The following RNGTT variants were observed in gnomAD, a reference collection of about 807,000 sequenced individuals.
The protein encoded by RNGTT is RNA guanylyltransferase and 5'-phosphatase, also known as mRNA-capping enzyme.
In RNGTT, 33 loss-of-function variants were observed where a neutral mutation model predicts 79.3. That is an observed-to-expected ratio of 0.42 (90% CI 0.32 to 0.56). The LOEUF (loss-of-function observed/expected upper bound fraction) is 0.56. RNGTT is among the 20% of genes least tolerant of loss of function. The pLI, the probability that RNGTT is intolerant of heterozygous loss-of-function variation, is 0.17. For synonymous variants in RNGTT, 222 were observed against 235.9 expected, an observed-to-expected ratio of 0.94 and a Z score of 0.54; for missense variants, 497 against 739.1, an observed-to-expected ratio of 0.67 and a Z score of 3.80.
chr6:88,750,841 C>G (rs1030946571), intron 13 of RNGTT, among the ~76,000 whole-genome samples: 2 of 152,072 alleles, frequency 1.3e-5, no homozygotes, highest in African/African-American at 2.4e-5. Flanking sequence ...TCATATTTTA[C>G]CTTACATTTT....
chr6:88,721,256 A>G (rs910608397), intron 13 of RNGTT, among the ~76,000 whole-genome samples: 1 of 152,014 alleles, frequency 6.6e-6, no homozygotes, highest in Non-Finnish European at 1.5e-5. Context: ...AATACATTCC[A>G]CCACTTGGTG....
At chr6:88,791,158 T>TC (rs1491245480) in intron 12 of RNGTT, among the ~76,000 whole-genome samples, 2 of 111,518 alleles carry the variant, frequency 1.8e-5, no homozygotes, top group African/African-American at 6.4e-5. Flanking sequence ...TTTTTTTTTT[T>TC]CAATTTTTTT....
intron 11 of RNGTT, among the ~76,000 whole-genome samples, chr6:88,836,364 T>G (rs916384170): frequency 6.6e-6 from 1 of 151,984 alleles, no homozygotes; most frequent in Non-Finnish European, 1.5e-5. Context: ...ACTCTTCCAC[T>G]AGAAATTTTA....
chr6:88,915,900 T>A (rs998517799), intron 4 of RNGTT, among the ~76,000 whole-genome samples: 7 of 151,962 alleles, frequency 4.6e-5, no homozygotes, highest in South Asian at 2.1e-4. Flanking sequence ...CAAATAAAAA[T>A]TTTTTTTTAA....
intron 13 of RNGTT, among the ~76,000 whole-genome samples, chr6:88,766,001 C>A (rs1306842779): frequency 3.9e-5 from 6 of 152,112 alleles, no homozygotes; most frequent in African/African-American, 1.4e-4. Flanking sequence ...ATTGCAGAGG[C>A]AGCAAGAAGG....
At chr6:88,835,975 AACAC>A (rs72228554) in intron 11 of RNGTT, among the ~76,000 whole-genome samples, 15,463 of 113,582 alleles carry the variant, frequency 0.14, 981 homozygotes, top group African/African-American at 0.15. Flanking sequence ...CTCTATTAAA[AACAC>A]ACACACACAC....
At chr6:88,769,941 A>G (rs992668182) in intron 12 of RNGTT, 67 bp from the exon 13 acceptor site, 1 of 1,030,416 alleles carries the variant, frequency 9.7e-7, no homozygotes, top group Non-Finnish European at 1.4e-6. Flanking sequence ...AATGTATTAA[A>G]CCTAATGTAA....
intron 12 of RNGTT, among the ~76,000 whole-genome samples, 191 bp from the exon 13 acceptor site, chr6:88,770,065 A>C (rs1778598029): frequency 6.6e-6 from 1 of 152,206 alleles, no homozygotes; most frequent in African/African-American, 2.4e-5. Context: ...CCTACCAAAG[A>C]CATGTAGACC....
At chr6:88,691,498 T>C (rs1582336315) in intron 13 of RNGTT, among the ~76,000 whole-genome samples, 1 of 152,284 alleles carries the variant, frequency 6.6e-6, no homozygotes, top group African/African-American at 2.4e-5. Context: ...CAAACACTAA[T>C]TTTACAGATG....
intron 6 of RNGTT, among the ~76,000 whole-genome samples, chr6:88,901,590 T>C (rs1783468337): frequency 7.7e-6 from 1 of 129,634 alleles, no homozygotes; most frequent in Admixed American, 9.4e-5. Flanking sequence ...CACTGCAACC[T>C]CCGCCTCCCG....
At chr6:88,743,088 A>G (rs966953148) in intron 13 of RNGTT, among the ~76,000 whole-genome samples, 2 of 152,220 alleles carry the variant, frequency 1.3e-5, no homozygotes, top group African/African-American at 2.4e-5. Flanking sequence ...TAATTTTTGT[A>G]TTAAAAATGC....
intron 14 of RNGTT, among the ~76,000 whole-genome samples, chr6:88,638,440 G>T (rs913612012): frequency 3.9e-5 from 6 of 152,048 alleles, no homozygotes; most frequent in Admixed American, 3.3e-4. Flanking sequence ...TATTACCATG[G>T]CATTTCTGAA....
At chr6:88,864,043 T>C (rs1259642884) in intron 8 of RNGTT, among the ~76,000 whole-genome samples, 3 of 152,150 alleles carry the variant, frequency 2.0e-5, no homozygotes, top group Non-Finnish European at 2.9e-5. Flanking sequence ...CAGGAATTTG[T>C]ATATGTCTGT....
chr6:88,788,760 A>G (rs945364871), intron 12 of RNGTT, among the ~76,000 whole-genome samples: 13 of 152,216 alleles, frequency 8.5e-5, no homozygotes, highest in Non-Finnish European at 1.6e-4. Context: ...CTGATGTTCT[A>G]TAATTCTGTA....
At chr6:88,919,994 T>C (rs1238769744) in intron 4 of RNGTT, among the ~76,000 whole-genome samples, 1 of 152,298 alleles carries the variant, frequency 6.6e-6, no homozygotes, top group African/African-American at 2.4e-5. Flanking sequence ...GAGGATTCAG[T>C]AGTTCTCAAC....
chr6:88,737,589 TC>T (rs1052947046), intron 13 of RNGTT, among the ~76,000 whole-genome samples: 1 of 152,076 alleles, frequency 6.6e-6, no homozygotes, highest in African/African-American at 2.4e-5. Flanking sequence ...GTAAATGAGG[TC>T]ACAAGGGTGG....
At chr6:88,716,152 C>T (rs1289692763) in intron 13 of RNGTT, among the ~76,000 whole-genome samples, 18 of 151,946 alleles carry the variant, frequency 1.2e-4, no homozygotes, top group African/African-American at 2.4e-4. Flanking sequence ...AAAAAGTGGG[C>T]AAAGGATATG....
chr6:88,904,310 T>G (rs1287316373), intron 6 of RNGTT, among the ~76,000 whole-genome samples: 1 of 152,210 alleles, frequency 6.6e-6, no homozygotes, highest in Non-Finnish European at 1.5e-5. Flanking sequence ...CAGTGGCTAA[T>G]GCCAGTAATC....
chr6:88,862,935 AT>A (rs888560043), intron 8 of RNGTT, among the ~76,000 whole-genome samples: 1 of 152,174 alleles, frequency 6.6e-6, no homozygotes, highest in African/African-American at 2.4e-5. Flanking sequence ...TGACTTATTG[AT>A]TCTGTAAGTA....
Sources: allele counts gnomAD v4.1 joint callset (sites outside exome capture counted in the v4.1 genomes callset), GRCh38; gene constraint gnomAD v4.1.1; transcripts MANE v1.5; gene names NCBI Gene and HGNC (gene_info 2026-07-23, HGNC 2026-07-21).